The following UNC5C variants were observed in gnomAD, a reference collection of about 807,000 sequenced individuals.
UNC5C encodes netrin receptor UNC5C.
In UNC5C, 47 loss-of-function variants were observed where a neutral mutation model predicts 99.8. The ratio of observed to expected loss-of-function variants is 0.47; its 90% CI spans 0.37 to 0.60. UNC5C has a LOEUF of 0.60. Among genes scored for constraint, UNC5C ranks in the 20% least tolerant of loss-of-function variants. UNC5C has a pLI of 0.00. For missense variants in UNC5C, 1,062 were observed against 1,165.9 expected, an observed-to-expected ratio of 0.91 and a Z score of 1.30; for synonymous variants, 487 against 452.2, an observed-to-expected ratio of 1.08 and a Z score of -0.98.
intron 1 of UNC5C, among the ~76,000 whole-genome samples, chr4:95,470,179 A>G (rs934143858): frequency 6.6e-6 from 1 of 152,126 alleles, no homozygotes; most frequent in African/African-American, 2.4e-5. Context: ...TTTTACATTC[A>G]TTACATACCT....
chr4:95,538,029 G>T (rs1052584886), intron 1 of UNC5C, among the ~76,000 whole-genome samples: 2 of 152,012 alleles, frequency 1.3e-5, no homozygotes, highest in Non-Finnish European at 2.9e-5. Context: ...TTTCTCAAAG[G>T]CTCCCTTTAA....
intron 1 of UNC5C, 46 bp from the exon 2 acceptor site, chr4:95,335,677 A>G (rs754233807): frequency 3.4e-6 from 5 of 1,483,158 alleles, no homozygotes; most frequent in South Asian, 2.6e-5. Context: ...CATTGTAACA[A>G]CTTGCCTTCT....
intron 1 of UNC5C, among the ~76,000 whole-genome samples, chr4:95,451,053 T>C (rs539091860): frequency 6.0e-4 from 92 of 152,352 alleles, no homozygotes; most frequent in Non-Finnish European, 9.8e-4. Context: ...AAACTACATT[T>C]GTTTCATAAA....
intron 1 of UNC5C, among the ~76,000 whole-genome samples, chr4:95,530,304 T>C (rs1440623119): frequency 6.6e-6 from 1 of 152,154 alleles, no homozygotes; most frequent in East Asian, 1.9e-4. Context: ...AATAAGTATT[T>C]CCAAAAATAT....
intron 1 of UNC5C, among the ~76,000 whole-genome samples, chr4:95,526,334 C>T (rs1013184756): frequency 2.0e-5 from 3 of 151,998 alleles, no homozygotes; most frequent in African/African-American, 7.2e-5. Context: ...GTCTCCCTAC[C>T]TCTGAGTCAC....
At chr4:95,426,378 G>A (rs1746485027) in intron 1 of UNC5C, among the ~76,000 whole-genome samples, 1 of 152,020 alleles carries the variant, frequency 6.6e-6, no homozygotes, top group African/African-American at 2.4e-5. Context: ...CTCTCTTCAG[G>A]CCTTCCTATT....
chr4:95,308,475 A>C lies in UNC5C; in HGVS notation c.347-6726T>G, dbSNP rs186249710. Among the ~76,000 whole-genome samples the C allele has an allele frequency of 7.8e-4, 119 of 152,246 alleles. 1 individual carries two copies. Among genetic ancestry groups the C allele is most frequent in the African/African-American group, 2.7e-3 (112 of 41,558 alleles). On this transcript the variant is annotated intron_variant, in intron 2 of 15. Transcript: ENST00000453304. ...AGAAGAAAAACATTAATGGAAGGCC[A>C]GGTGCGGTGGCTCACGCCTGTAATC...
chr4:95,325,355 T>C (rs17023534), intron 2 of UNC5C, among the ~76,000 whole-genome samples: 6,680 of 151,374 alleles, frequency 0.044, 463 homozygotes, highest in African/African-American at 0.15. Context: ...ATAAAGAAGA[T>C]GTAGGTGGCT....
chr4:95,245,202 T>C (rs1739460894), intron 5 of UNC5C, 58 bp from the exon 6 acceptor site: 7 of 1,509,832 alleles, frequency 4.6e-6, no homozygotes, highest in South Asian at 1.3e-5. Flanking sequence ...ACAACACACA[T>C]GGACACACAA....
rs962301670 is a variant in UNC5C at position 95,163,636 on chromosome 4, G to A, written c.*5598C>T. ...AAAAGACCCTTAAATGGTATGACTT[G>A]CAATTTATATTTTTGTTGAAGGACA... On this transcript the variant is annotated 3_prime_UTR_variant, in exon 16 of 16. Transcript: ENST00000453304. 1 of 152,210 alleles carries A rather than the reference G, an allele frequency of 6.6e-6. No homozygotes were observed. Among genetic ancestry groups the A allele is most frequent in the African/African-American group, 2.4e-5 (1 of 41,454 alleles). The allele number at this position is 152,210 out of a possible 1,614,324, so 9.4% of individuals were successfully genotyped here.
chr4:95,412,645 T>C (rs1746031056), intron 1 of UNC5C, among the ~76,000 whole-genome samples: 1 of 152,220 alleles, frequency 6.6e-6, no homozygotes, highest in African/African-American at 2.4e-5. Flanking sequence ...AAAAAATTAC[T>C]GATGCCTGAA....
At chr4:95,332,811 C>A (rs1426582194) in intron 2 of UNC5C, among the ~76,000 whole-genome samples, 1 of 151,740 alleles carries the variant, frequency 6.6e-6, no homozygotes, top group Non-Finnish European at 1.5e-5. Flanking sequence ...AAAATTTTCA[C>A]AACCTACTCA....
chr4:95,413,244 C>T (rs193033553), intron 1 of UNC5C, among the ~76,000 whole-genome samples: 219 of 152,254 alleles, frequency 1.4e-3, no homozygotes, highest in African/African-American at 5.1e-3. Flanking sequence ...TCTGCAGTGG[C>T]CTCTCCTCCT....
chr4:95,193,724 C>T (rs1737255292), intron 12 of UNC5C, among the ~76,000 whole-genome samples: 1 of 152,204 alleles, frequency 6.6e-6, no homozygotes, highest in African/African-American at 2.4e-5. Context: ...CCAAAAAGAG[C>T]GGCCGCCCTT....
intron 4 of UNC5C, among the ~76,000 whole-genome samples, chr4:95,255,275 C>G (rs546954140): frequency 2.0e-5 from 3 of 152,088 alleles, no homozygotes; most frequent in African/African-American, 7.2e-5. Context: ...CCACCATGCC[C>G]GGCACCCCGC....
intron 1 of UNC5C, among the ~76,000 whole-genome samples, chr4:95,541,827 A>G (rs533216205): frequency 2.6e-5 from 4 of 152,174 alleles, no homozygotes; most frequent in Non-Finnish European, 4.4e-5. Context: ...AGAAATAAAA[A>G]GAGAGAAAAC....
At chr4:95,268,408 T>A (rs1270885480) in intron 4 of UNC5C, among the ~76,000 whole-genome samples, 1 of 152,190 alleles carries the variant, frequency 6.6e-6, no homozygotes, top group Non-Finnish European at 1.5e-5. Context: ...AAAGACCAAT[T>A]AAATTCTTTG....
rs1479345442 is a variant in UNC5C at position 95,166,083 on chromosome 4, A to C, written c.*3151T>G. The C allele has an allele frequency of 6.6e-6, 1 of 152,218 alleles. No individual in the cohort carries two copies. Among genetic ancestry groups the C allele is most frequent in the African/African-American group, 2.4e-5 (1 of 41,468 alleles). The allele number at this position is 152,218 out of a possible 1,614,324, so 9.4% of individuals were successfully genotyped here. A position where few individuals can be genotyped will look rare whatever the true frequency, so the allele number is the denominator to read the frequency against. On this transcript the variant is annotated 3_prime_UTR_variant, in exon 16 of 16. Transcript: ENST00000453304. ...CCCTTCGTCAAACACATTCTAGTGAATATTAAACTCAGGTTAGATTGTGTT... is the reference window on the plus strand; with the variant it reads ...CCCTTCGTCAAACACATTCTAGTGACTATTAAACTCAGGTTAGATTGTGTT...
chr4:95,319,644 T>A (rs1742605830), intron 2 of UNC5C, among the ~76,000 whole-genome samples: 1 of 152,172 alleles, frequency 6.6e-6, no homozygotes, highest in Admixed American at 6.5e-5. Context: ...AATCACTAGC[T>A]GAGGGAAGAC....
Sources: gnomAD v4.1 joint callset for allele counts (sites outside exome capture counted in the v4.1 genomes callset) on GRCh38, gnomAD v4.1.1 for gene constraint, MANE v1.5 for transcripts, NCBI Gene and HGNC (gene_info 2026-07-23, HGNC 2026-07-21) for gene names.